Variants in CPNE4 observed in about 807,000 individuals in gnomAD.
CPNE4 encodes the protein copine-4.
CPNE4 carries 25 observed loss-of-function variants against 67.9 expected under a neutral mutation model. That is an observed-to-expected ratio of 0.37 (90% CI 0.27 to 0.51). The LOEUF (loss-of-function observed/expected upper bound fraction) is 0.51. Ranked by LOEUF, CPNE4 falls within the 20% of genes least tolerant of loss-of-function variation. The pLI is 0.93. For missense variants in CPNE4, 464 were observed against 690.8 expected, an observed-to-expected ratio of 0.67 and a Z score of 3.68; for synonymous variants, 242 against 244.9, an observed-to-expected ratio of 0.99 and a Z score of 0.11.
Position 131,820,204 on chromosome 3 carries a change from T to C in CPNE4, c.180+85060A>G, listed in dbSNP as rs1026749. On this transcript the variant is annotated intron_variant, in intron 2 of 15. Coordinates refer to ENST00000429747, the MANE Select transcript of CPNE4 (RefSeq NM_130808.3). ...AGCATTCAGGATATTTATTGAGGAA[T>C]GCCCTTCGGACTAACATCTGTGGGA... is the stretch of plus-strand genomic sequence containing the variant. Among the ~76,000 whole-genome samples, 857 of 152,366 alleles carry C rather than the reference T, an allele frequency of 5.6e-3. 10 individuals carry two copies. The highest frequency in any genetic ancestry group is 0.019 in the African/African-American group (788 of 41,590).
chr3:131,598,355 T>C (rs371871882), intron 7 of CPNE4, among the ~76,000 whole-genome samples: 1 of 152,262 alleles, frequency 6.6e-6, no homozygotes, highest in Non-Finnish European at 1.5e-5. Context: ...TATCTCTTTT[T>C]CAATCTTTGT....
At chr3:131,988,607 A>G (rs187118076) in intron 1 of CPNE4, among the ~76,000 whole-genome samples, 13 of 152,256 alleles carry the variant, frequency 8.5e-5, no homozygotes, top group South Asian at 4.1e-4. Context: ...GTCAAAGATG[A>G]CTTTGAGTGT....
chr3:132,027,593 C>T (rs1320755593), intron 1 of CPNE4, among the ~76,000 whole-genome samples: 2 of 152,112 alleles, frequency 1.3e-5, no homozygotes, highest in Non-Finnish European at 1.5e-5. Flanking sequence ...AATGGCTTCT[C>T]GGGAGCTCTG....
intron 10 of CPNE4, among the ~76,000 whole-genome samples, chr3:131,574,687 A>T (rs1283034553): frequency 6.6e-6 from 1 of 152,140 alleles, no homozygotes; most frequent in African/African-American, 2.4e-5. Flanking sequence ...CAACCATGGC[A>T]TCTGCCTTGG....
chr3:131,568,442 G>A (rs1431478582), intron 10 of CPNE4, among the ~76,000 whole-genome samples: 1 of 151,960 alleles, frequency 6.6e-6, no homozygotes. Context: ...GTGTGTGGAG[G>A]TGGCTACTGA....
At chr3:131,913,728 T>C (rs2089074845) in intron 1 of CPNE4, among the ~76,000 whole-genome samples, 1 of 152,222 alleles carries the variant, frequency 6.6e-6, no homozygotes, top group Non-Finnish European at 1.5e-5. Context: ...GAATTCTTTC[T>C]TCTGAGGGGG....
intron 5 of CPNE4, 89 bp from the exon 6 acceptor site, chr3:131,686,047 C>G: frequency 4.1e-6 from 3 of 726,296 alleles, no homozygotes; most frequent in Non-Finnish European, 7.0e-6. Context: ...ACAGGAAAAC[C>G]CTCTTGATTT....
At chr3:131,984,268 G>C (rs2072986553) in intron 1 of CPNE4, among the ~76,000 whole-genome samples, 1 of 152,244 alleles carries the variant, frequency 6.6e-6, no homozygotes, top group African/African-American at 2.4e-5. Context: ...ACTGCCTCTA[G>C]ATAAACTTAT....
At chr3:131,822,317 C>T (rs747823202) in intron 2 of CPNE4, among the ~76,000 whole-genome samples, 1 of 152,120 alleles carries the variant, frequency 6.6e-6, no homozygotes, top group African/African-American at 2.4e-5. Context: ...TGTATGTGTT[C>T]CCTAACTCAG....
At chr3:132,018,897 T>C (rs1419094441) in intron 1 of CPNE4, among the ~76,000 whole-genome samples, 1 of 151,992 alleles carries the variant, frequency 6.6e-6, no homozygotes, top group Non-Finnish European at 1.5e-5. Flanking sequence ...ACCTGAAGAG[T>C]GATTCGATTG....
chr3:131,750,440 T>C (rs780651940), intron 2 of CPNE4, among the ~76,000 whole-genome samples: 19 of 152,310 alleles, frequency 1.2e-4, no homozygotes, highest in Middle Eastern at 3.4e-3. Context: ...TTTCGATTTA[T>C]GTAGCGTTTT....
At chr3:131,562,164 G>A (rs1936807658) in intron 11 of CPNE4, among the ~76,000 whole-genome samples, 1 of 151,782 alleles carries the variant, frequency 6.6e-6, no homozygotes, top group South Asian at 2.1e-4. Context: ...CTGCATTTTT[G>A]AGGGAACAAA....
chr3:131,973,115 T>C (rs1287025424), intron 1 of CPNE4, among the ~76,000 whole-genome samples: 1 of 152,132 alleles, frequency 6.6e-6, no homozygotes, highest in Non-Finnish European at 1.5e-5. Context: ...AAACTCACAG[T>C]GTGTGTGGTG....
In CPNE4 at chr3:131,749,290, T is replaced by A. The variant is rs138573571; in HGVS notation, c.181-25665A>T. 1.5e-3 allele frequency among the ~76,000 whole-genome samples: 235 copies of A among 152,300 alleles called. 1 individual carries two copies. The highest frequency in any genetic ancestry group is 5.6e-3 in the African/African-American group (231 of 41,584). ...TTACGTTTCTGCTCTTGATTTCTAGTTCAATTCTATTATGGCTACAGAATC... is the reference window on the plus strand; with the variant it reads ...TTACGTTTCTGCTCTTGATTTCTAGATCAATTCTATTATGGCTACAGAATC... On this transcript the variant is annotated intron_variant, in intron 2 of 15. Coordinates refer to ENST00000429747, the MANE Select transcript of CPNE4 (RefSeq NM_130808.3).
At chr3:131,952,649 C>T (rs1445010993) in intron 1 of CPNE4, among the ~76,000 whole-genome samples, 3 of 148,258 alleles carry the variant, frequency 2.0e-5, no homozygotes, top group African/African-American at 7.5e-5. Context: ...GGCCAGCCGC[C>T]CCGTCTGGGA....
chr3:132,037,475 A>G, upstream of CPNE4: 2 of 982,594 alleles, frequency 2.0e-6, no homozygotes. Context: ...GTTTTCAATC[A>G]CTGCCCCCAC....
intron 7 of CPNE4, among the ~76,000 whole-genome samples, chr3:131,624,243 C>G (rs1940621854): frequency 6.6e-6 from 1 of 152,222 alleles, no homozygotes; most frequent in Non-Finnish European, 1.5e-5. Context: ...CAGACCCTGG[C>G]TCTCTTCCTT....
chr3:132,037,809 C>A, upstream of CPNE4: 1 of 551,040 alleles, frequency 1.8e-6, no homozygotes, highest in South Asian at 2.4e-5. Context: ...TGGAATGAAG[C>A]CAGGGAACAA....
At chr3:132,029,633 G>A (rs2074195697) in intron 1 of CPNE4, among the ~76,000 whole-genome samples, 1 of 152,186 alleles carries the variant, frequency 6.6e-6, no homozygotes. Flanking sequence ...TAAGAAAGAG[G>A]TCTTCTGGTC....
Sources: allele counts gnomAD v4.1 joint callset (sites outside exome capture counted in the v4.1 genomes callset), GRCh38; gene constraint gnomAD v4.1.1; transcripts MANE v1.5; gene names NCBI Gene and HGNC (gene_info 2026-07-23, HGNC 2026-07-21).